The following PCLO variants were observed in gnomAD, a reference collection of about 807,000 sequenced individuals.
PCLO encodes the protein protein piccolo.
PCLO carries 82 observed loss-of-function variants against 427.5 expected under a neutral mutation model. The observed-to-expected ratio is 0.19, with a 90% CI of 0.16 to 0.23. The LOEUF (loss-of-function observed/expected upper bound fraction) is 0.23. Ranked by LOEUF, PCLO falls within the 10% of genes least tolerant of loss-of-function variation. The probability of loss-of-function intolerance (pLI) is 1.00; values close to 1 mark genes in which losing one functional copy is unlikely to be tolerated. For synonymous variants in PCLO, 2,357 were observed against 2,155.4 expected, an observed-to-expected ratio of 1.09 and a Z score of -2.59; for missense variants, 6,239 against 6,115.9, an observed-to-expected ratio of 1.02 and a Z score of -0.67.
intron 3 of PCLO, among the ~76,000 whole-genome samples, chr7:83,020,090 A>T (rs1455608063): frequency 6.6e-6 from 1 of 152,128 alleles, no homozygotes; most frequent in Admixed American, 6.6e-5. Context: ...CTTAACTTAG[A>T]TGGAAAGCAT....
chr7:83,026,625 T>C (rs1486425048), intron 3 of PCLO, among the ~76,000 whole-genome samples: 3 of 151,478 alleles, frequency 2.0e-5, no homozygotes, highest in Admixed American at 6.6e-5. Context: ...TCTACAGAAC[T>C]CTCCACCCCA....
intron 6 of PCLO, among the ~76,000 whole-genome samples, chr7:82,917,486 C>T (rs76755883): frequency 0.011 from 1,618 of 152,068 alleles, 6 homozygotes; most frequent in Middle Eastern, 0.017. Flanking sequence ...CCATTGGAAC[C>T]TTTTAAAAAA....
chr7:82,887,075 C>T (rs1333228479), intron 9 of PCLO, among the ~76,000 whole-genome samples: 1 of 152,136 alleles, frequency 6.6e-6, no homozygotes, highest in African/African-American at 2.4e-5. Flanking sequence ...CAAAGTTTCT[C>T]CTATGTGTCT....
chr7:82,928,347 C>T (rs1794762669), intron 6 of PCLO, among the ~76,000 whole-genome samples: 1 of 152,148 alleles, frequency 6.6e-6, no homozygotes, highest in African/African-American at 2.4e-5. Context: ...ATATTTTTGT[C>T]AGTGATTTAG....
intron 10 of PCLO, among the ~76,000 whole-genome samples, chr7:82,857,511 C>T (rs7779940): frequency 0.26 from 39,123 of 151,900 alleles, 5,366 homozygotes; most frequent in Middle Eastern, 0.31. Context: ...GAAAGTGTCT[C>T]CTAACAAATA....
intron 3 of PCLO, among the ~76,000 whole-genome samples, chr7:83,003,950 T>G (rs1583896123): frequency 6.6e-6 from 1 of 151,774 alleles, no homozygotes; most frequent in Admixed American, 6.6e-5. Flanking sequence ...TTTGGTAGAC[T>G]TCACCCATGA....
intron 9 of PCLO, among the ~76,000 whole-genome samples, chr7:82,887,449 T>A (rs931799949): frequency 3.3e-5 from 5 of 152,184 alleles, no homozygotes; most frequent in African/African-American, 9.6e-5. Flanking sequence ...TTACCATCTA[T>A]CCTCCTATCC....
At chr7:82,810,361 G>A (rs1254259015) in intron 20 of PCLO, among the ~76,000 whole-genome samples, 1 of 151,542 alleles carries the variant, frequency 6.6e-6, no homozygotes, top group Admixed American at 6.6e-5. Flanking sequence ...AACATTGAGA[G>A]GCTTTTCTTA....
intron 2 of PCLO, among the ~76,000 whole-genome samples, chr7:83,136,317 C>T (rs1791728550): frequency 6.6e-6 from 1 of 151,852 alleles, no homozygotes; most frequent in Non-Finnish European, 1.5e-5. Context: ...CAAGCTTTCA[C>T]AAAATTTGTT....
intron 6 of PCLO, among the ~76,000 whole-genome samples, chr7:82,924,244 T>C (rs1051980892): frequency 5.9e-5 from 9 of 152,092 alleles, no homozygotes; most frequent in Non-Finnish European, 1.0e-4. Context: ...TTCTAGGTTA[T>C]GGTAATGACA....
At chr7:82,828,418 C>T (rs1454340661) in intron 16 of PCLO, among the ~76,000 whole-genome samples, 1 of 152,088 alleles carries the variant, frequency 6.6e-6, no homozygotes, top group Non-Finnish European at 1.5e-5. Context: ...GTTGCTGTGG[C>T]TCACATTCCA....
At chr7:82,834,989 G>A (rs1178450991) in intron 16 of PCLO, among the ~76,000 whole-genome samples, 2 of 151,476 alleles carry the variant, frequency 1.3e-5, no homozygotes, top group African/African-American at 4.8e-5. Context: ...TGTTTTTTGA[G>A]GCTGGAGTGC....
intron 22 of PCLO, among the ~76,000 whole-genome samples, chr7:82,779,746 C>CTTTTTT (rs397976054): frequency 2.1e-4 from 28 of 134,336 alleles, no homozygotes; most frequent in South Asian, 7.0e-4. Flanking sequence ...TTCTTTCTTT[C>CTTTTTT]TTTTTTTTTT....
intron 3 of PCLO, among the ~76,000 whole-genome samples, chr7:83,043,421 T>A (rs1254700182): frequency 1.3e-5 from 2 of 152,202 alleles, no homozygotes; most frequent in Non-Finnish European, 2.9e-5. Context: ...ATGCAATGCA[T>A]AAGCTCATTT....
intron 3 of PCLO, among the ~76,000 whole-genome samples, chr7:83,027,636 T>C (rs1356622235): frequency 7.2e-6 from 1 of 139,478 alleles, no homozygotes; most frequent in Non-Finnish European, 1.6e-5. Context: ...TACCAAAGCC[T>C]GGCAGAGACA....
chr7:82,994,617 G>GTATATA (rs71522636), intron 3 of PCLO, among the ~76,000 whole-genome samples: 5,746 of 150,044 alleles, frequency 0.038, 127 homozygotes, highest in South Asian at 0.063. Context: ...TTCATAGTAG[G>GTATATA]TATATATATA....
chr7:82,928,968 C>T (rs1794777728), intron 6 of PCLO, among the ~76,000 whole-genome samples: 1 of 151,978 alleles, frequency 6.6e-6, no homozygotes, highest in Non-Finnish European at 1.5e-5. Context: ...AAAGTAAAAC[C>T]AGAGAGGATG....
chr7:83,054,592 T>A (rs1789333121), intron 3 of PCLO, among the ~76,000 whole-genome samples: 1 of 152,010 alleles, frequency 6.6e-6, no homozygotes, highest in East Asian at 1.9e-4. Context: ...ATTCAGGCAT[T>A]AAGCCAGATA....
In PCLO at chr7:82,952,927, T is replaced by C; in HGVS notation, c.8026A>G (p.Lys2676Glu). 1 of 1,613,952 alleles carries C rather than the reference T, an allele frequency of 6.2e-7. No individual in the cohort carries two copies. Among genetic ancestry groups the C allele is most frequent in the Non-Finnish European group, 8.5e-7 (1 of 1,179,864 alleles). The change falls in exon 5 of 25, where the codon AAG becomes GAG. Residue 2676 changes from lysine (K) to glutamate (E), a missense_variant. Transcript: ENST00000333891. The part of the protein sequence containing the change: ...VTQFLTTEVS[K>E]TEVSATRSTA... ...CTTCTGGTTGCTGAAACCTCAGTCTTGGAAACTTCAGTAGTGAGAAACTGT... is the reference window on the plus strand; with the variant it reads ...CTTCTGGTTGCTGAAACCTCAGTCTCGGAAACTTCAGTAGTGAGAAACTGT...
Sources: allele counts gnomAD v4.1 joint callset (sites outside exome capture counted in the v4.1 genomes callset), GRCh38; gene constraint gnomAD v4.1.1; transcripts MANE v1.5; gene names NCBI Gene and HGNC (gene_info 2026-07-23, HGNC 2026-07-21).